CD28: variants seen among roughly 807,000 people sequenced by gnomAD.
CD28 encodes the protein CD28 molecule.
A neutral mutation model predicts 21.4 loss-of-function variants in CD28; 8 were observed. The observed-to-expected ratio is 0.37, with a 90% CI of 0.22 to 0.68. The LOEUF (loss-of-function observed/expected upper bound fraction) is 0.68, where lower values mean the gene tolerates loss of function less well. Among genes scored for constraint, CD28 ranks in the 30% least tolerant of loss-of-function variants. CD28 has a pLI of 0.55. For missense variants in CD28, 239 were observed against 272.2 expected (o/e 0.88, Z 0.86); for synonymous variants, 106 against 104.0 (o/e 1.02, Z -0.12).
intron 2 of CD28, among the ~76,000 whole-genome samples, chr2:203,728,331 A>G (rs1383667659): frequency 6.6e-6 from 1 of 152,246 alleles, no homozygotes; most frequent in Non-Finnish European, 1.5e-5. Flanking sequence ...GAGAAAAATC[A>G]TGATTCCCCA....
chr2:203,708,806 C>T (rs528631837), intron 1 of CD28, among the ~76,000 whole-genome samples: 22 of 152,236 alleles, frequency 1.4e-4, no homozygotes, highest in South Asian at 6.2e-4. Context: ...AGAAAACTTA[C>T]GAGCAAGAAA....
intron 1 of CD28, among the ~76,000 whole-genome samples, chr2:203,713,845 GA>G (rs1693382946): frequency 1.3e-5 from 1 of 76,184 alleles, no homozygotes; most frequent in Non-Finnish European, 2.9e-5. Flanking sequence ...GAGAGAGAGA[GA>G]GAGAGGGAGA....
At position 203,726,665 on chromosome 2, in the gene CD28, C is replaced by A. The variant is rs773299801; in HGVS notation, c.85C>A (p.Leu29Ile). 5.0e-6 allele frequency: 8 copies of A among 1,613,704 alleles called. No homozygotes were observed. Among genetic ancestry groups the A allele is most frequent in the Admixed American group, 3.3e-5 (2 of 59,982 alleles). ...GATTTTGGTGAAGCAGTCGCCCATG[C>A]TTGTAGCGTACGACAATGCGGTCAA... ...NKILVKQSPM[L>I]VAYDNAVNLS... The change falls in exon 2 of 4, where the codon CTT becomes ATT. Residue 29 changes from leucine (L) to isoleucine (I), a missense_variant. Physicochemically the swap from Leu to Ile is conservative, Grantham distance 5. This residue lies in a region of CD28 where 104 missense variants were observed against 108.5 expected (regional missense o/e 0.96). Coordinates refer to ENST00000324106, the MANE Select transcript of CD28 (RefSeq NM_006139.4).
chr2:203,711,585 T>G (rs1354705321), intron 1 of CD28, among the ~76,000 whole-genome samples: 1 of 152,204 alleles, frequency 6.6e-6, no homozygotes, highest in African/African-American at 2.4e-5. Context: ...TGGCTGACAA[T>G]ATAACCAGGT....
intron 1 of CD28, among the ~76,000 whole-genome samples, chr2:203,709,130 C>G (rs938267269): frequency 4.6e-5 from 7 of 151,626 alleles, no homozygotes; most frequent in Admixed American, 3.9e-4. Flanking sequence ...AAAAATTATG[C>G]TGCATTCTAA....
intron 1 of CD28, among the ~76,000 whole-genome samples, chr2:203,717,228 C>G (rs1165260389): frequency 6.6e-6 from 1 of 152,130 alleles, no homozygotes; most frequent in African/African-American, 2.4e-5. Flanking sequence ...ACTAAAACCT[C>G]TTTAGATTTT....
At chr2:203,733,102 A>G (rs1693939661) in intron 3 of CD28, among the ~76,000 whole-genome samples, 1 of 152,154 alleles carries the variant, frequency 6.6e-6, no homozygotes, top group Non-Finnish European at 1.5e-5. Flanking sequence ...TCATCTGGGG[A>G]CAGACATTTC....
At chr2:203,724,059 A>G (rs1430352763) in intron 1 of CD28, among the ~76,000 whole-genome samples, 1 of 152,216 alleles carries the variant, frequency 6.6e-6, no homozygotes. Context: ...TGGTGCATGC[A>G]ACAACATGGA....
At chr2:203,706,803 G>A in intron 1 of CD28, 55 bp downstream of exon 1, 1 of 1,348,898 alleles carries the variant, frequency 7.4e-7, no homozygotes, top group Non-Finnish European at 1.1e-6. Flanking sequence ...TCTTCCAATT[G>A]GCTTAGTTTA....
intron 1 of CD28, among the ~76,000 whole-genome samples, chr2:203,725,509 A>G (rs899105279): frequency 7.2e-5 from 11 of 152,096 alleles, no homozygotes; most frequent in African/African-American, 2.7e-4. Flanking sequence ...AAGAAATAAT[A>G]TTGTCCTGTG....
intron 3 of CD28, 87 bp from the exon 4 acceptor site, chr2:203,734,697 A>G: frequency 6.7e-7 from 1 of 1,500,012 alleles, no homozygotes; most frequent in East Asian, 2.3e-5. Flanking sequence ...GTCATTTGAC[A>G]GTTAATATTA....
rs1013433065 is a variant in CD28, at chr2:203,734,785, T to G, written c.536T>G (p.Val179Gly). The change falls in exon 4 of 4, where the codon GTG becomes GGG. Residue 179 changes from valine (V) to glycine (G), a missense_variant and splice_region_variant. Physicochemically the swap from Val to Gly is moderately radical, Grantham distance 109. Coordinates refer to ENST00000324106, the MANE Select transcript of CD28 (RefSeq NM_006139.4). ...TACTGACACTTCTCTTTCCTGCAGG[T>G]GAGGAGTAAGAGGAGCAGGCTCCTG... ...LVTVAFIIFWVRSKRSRLLHS... is the reference protein window; with the variant it reads ...LVTVAFIIFWGRSKRSRLLHS... 3.7e-6 allele frequency: 6 copies of G among 1,613,960 alleles called. No individual in the cohort carries two copies. The Admixed American group carries it at 5.0e-5, about 13-fold the overall frequency.
chr2:203,706,757 T>TAAA lies in CD28; in HGVS notation c.52+9_52+10insAAA, dbSNP rs1693167096. On this transcript the variant is annotated intron_variant, in intron 1 of 3. Transcript: ENST00000324106. ...TTCAATTCAAGTAACAGGTAAACAA[T>TAAA]GTTAATGTCTTTCTTTCTGTAAATA... 2 of 1,582,460 alleles carry TAAA rather than the reference T, an allele frequency of 1.3e-6. No individual in the cohort carries two copies. Among genetic ancestry groups the TAAA allele is most frequent in the Non-Finnish European group, 1.7e-6 (2 of 1,151,282 alleles).
intron 1 of CD28, among the ~76,000 whole-genome samples, chr2:203,723,973 A>C (rs1693675813): frequency 6.6e-6 from 1 of 152,256 alleles, no homozygotes; most frequent in South Asian, 2.1e-4. Flanking sequence ...ATAATAGCCA[A>C]AAAGTGATGA....
chr2:203,726,694 T>C lies in CD28; in HGVS notation c.114T>C (p.Leu38=), dbSNP rs765419358. ...TAGCGTACGACAATGCGGTCAACCT[T>C]AGCTGCAAGTATTCCTACAATCTCT... The part of the protein sequence containing the change: ...MLVAYDNAVN[L]SCKYSYNLFS... The change falls in exon 2 of 4, where the codon CTT becomes CTC. Residue 38 remains leucine, a synonymous_variant. Coordinates refer to ENST00000324106, the MANE Select transcript of CD28 (RefSeq NM_006139.4). 2 of 1,614,142 alleles carry C rather than the reference T, an allele frequency of 1.2e-6. No individual in the cohort carries two copies. The highest frequency in any genetic ancestry group is 1.7e-6 in the Non-Finnish European group (2 of 1,180,008).
upstream of CD28, chr2:203,706,568 G>A (rs1270123186): frequency 7.6e-6 from 12 of 1,581,654 alleles, no homozygotes; most frequent in Non-Finnish European, 1.0e-5. Flanking sequence ...CTAAGGGGAT[G>A]GTGGCGGTGG....
intron 1 of CD28, among the ~76,000 whole-genome samples, chr2:203,716,647 G>C (rs1332614024): frequency 6.6e-6 from 1 of 151,968 alleles, no homozygotes; most frequent in Admixed American, 6.6e-5. Context: ...TGCTCATATG[G>C]GACTTTTTGC....
At chr2:203,721,482 G>A (rs961243035) in intron 1 of CD28, among the ~76,000 whole-genome samples, 2 of 151,866 alleles carry the variant, frequency 1.3e-5, no homozygotes, top group East Asian at 3.9e-4. Flanking sequence ...CCCTTGCCCA[G>A]ACTACTCTTT....
rs1329137143 is a variant in CD28 at position 203,736,201 on chromosome 2, T to C, written c.*1289T>C. ...AAGTGGGTTGTGGAAAGAGCGTCCA[T>C]AGGAGAAGTGAGAATACTGTGAAAA... On this transcript the variant is annotated 3_prime_UTR_variant, in exon 4 of 4. Transcript: ENST00000324106. 6.6e-6 allele frequency: 1 copy of C among 152,628 alleles called. No homozygotes were observed. The highest frequency in any genetic ancestry group is 2.4e-5 in the African/African-American group (1 of 41,508). 9.5% of individuals were successfully genotyped at this position (152,628 alleles called of 1,614,324 possible).
Sources: allele counts gnomAD v4.1 joint callset (sites outside exome capture counted in the v4.1 genomes callset), GRCh38; gene constraint gnomAD v4.1.1; regional missense constraint gnomAD v4.1.1; transcripts MANE v1.5; gene names NCBI Gene and HGNC (gene_info 2026-07-23, HGNC 2026-07-21).